The following CRACR2A variants were observed in gnomAD, a reference collection of about 807,000 sequenced individuals.
CRACR2A encodes the protein calcium release activated channel regulator 2A.
CRACR2A carries 79 observed loss-of-function variants against 90.5 expected under a neutral mutation model. The ratio of observed to expected loss-of-function variants is 0.87; its 90% confidence interval spans 0.73 to 1.05. The LOEUF (loss-of-function observed/expected upper bound fraction) is 1.05. Ranked by LOEUF, CRACR2A falls within the 50% of genes least tolerant of loss-of-function variation. The pLI, the probability that CRACR2A is intolerant of heterozygous loss-of-function variation, is 0.00. For synonymous variants in CRACR2A, 338 were observed against 356.7 expected, an observed-to-expected ratio of 0.95 and a Z score of 0.59; for missense variants, 823 against 897.2, an observed-to-expected ratio of 0.92 and a Z score of 1.06.
chr12:3,727,228 G>C (rs1355902197), intron 2 of CRACR2A: 2 of 151,794 alleles, frequency 1.3e-5, no homozygotes, highest in South Asian at 2.1e-4. Context: ...GGATGGATTG[G>C]GAAAAGTTGT....
At chr12:3,663,903 C>A (rs1945082482) in intron 7 of CRACR2A, among the ~76,000 whole-genome samples, 1 of 152,238 alleles carries the variant, frequency 6.6e-6, no homozygotes. Context: ...ATCTCCTCCA[C>A]TTTGTGCTTC....
At chr12:3,703,827 T>C (rs976909827) in intron 3 of CRACR2A, among the ~76,000 whole-genome samples, 6 of 152,184 alleles carry the variant, frequency 3.9e-5, no homozygotes, top group Admixed American at 2.6e-4. Flanking sequence ...AAAAAGATAT[T>C]CACCCTCATT....
intron 7 of CRACR2A, among the ~76,000 whole-genome samples, chr12:3,660,179 T>A (rs1009579860): frequency 3.9e-5 from 6 of 152,196 alleles, no homozygotes; most frequent in Non-Finnish European, 8.8e-5. Context: ...CAGGGGACTC[T>A]CCCTGTATGC....
intron 10 of CRACR2A, among the ~76,000 whole-genome samples, chr12:3,652,023 T>C (rs1944802722): frequency 6.6e-6 from 1 of 152,190 alleles, no homozygotes; most frequent in Admixed American, 6.5e-5. Flanking sequence ...AACTGCAAGC[T>C]TCTTGAAAAC....
At chr12:3,702,370 T>A (rs1352803410) in intron 3 of CRACR2A, among the ~76,000 whole-genome samples, 1 of 152,186 alleles carries the variant, frequency 6.6e-6, no homozygotes, top group East Asian at 1.9e-4. Context: ...ATTGTCTTTA[T>A]TCCCAGACAG....
intron 4 of CRACR2A, among the ~76,000 whole-genome samples, chr12:3,695,597 C>A (rs1178125874): frequency 6.6e-6 from 1 of 152,226 alleles, no homozygotes; most frequent in African/African-American, 2.4e-5. Context: ...AGCTCACATG[C>A]ATGAGCAGAG....
In CRACR2A at chr12:3,619,228, G is replaced by T. The variant is rs367605910; in HGVS notation, c.2034+43C>A. On this transcript the variant is annotated intron_variant, in intron 18 of 19. Coordinates refer to ENST00000440314, the MANE Select transcript of CRACR2A (RefSeq NM_001144958.2). ...TTGGGCACTTGCCCAACTTCCCTCGGGGTCACACTCTGTCCAGAGAGATGG... is the reference window on the plus strand; with the variant it reads ...TTGGGCACTTGCCCAACTTCCCTCGTGGTCACACTCTGTCCAGAGAGATGG... 4.1e-5 allele frequency: 62 copies of T among 1,506,956 alleles called. 2 individuals carry two copies. The African/African-American group carries it at 7.6e-4, about 19-fold the overall frequency. 93.3% of individuals were successfully genotyped at this position (1,506,956 alleles called of 1,614,324 possible).
rs1387849469 is a variant in CRACR2A at position 3,732,986 on chromosome 12, G to A, written c.-162C>T. 6.6e-6 allele frequency: 1 copy of A among 152,310 alleles called. No homozygotes were observed. The highest frequency in any genetic ancestry group is 1.5e-5 in the Non-Finnish European group (1 of 68,104). The allele number at this position is 152,310 out of a possible 1,614,324, so 9.4% of individuals were successfully genotyped here. ...CAGCCACACACCTGGCAGGAGAGGAGGCAGCACACCTGTGTTGAATTCTCC... is the reference window on the plus strand; with the variant it reads ...CAGCCACACACCTGGCAGGAGAGGAAGCAGCACACCTGTGTTGAATTCTCC... On this transcript the variant is annotated 5_prime_UTR_variant, in exon 2 of 20. Coordinates refer to ENST00000440314, the MANE Select transcript of CRACR2A (RefSeq NM_001144958.2).
At chr12:3,734,705 T>C (rs1274260578) in intron 1 of CRACR2A, among the ~76,000 whole-genome samples, 1 of 151,944 alleles carries the variant, frequency 6.6e-6, no homozygotes, top group Admixed American at 6.6e-5. Context: ...AACCCTACCA[T>C]TTGCGACAGC....
rs1946663244 is a variant in CRACR2A at position 3,748,954 on chromosome 12, G to A, written c.-387+4061C>T. 2.6e-5 allele frequency among the ~76,000 whole-genome samples: 4 copies of A among 152,212 alleles called. No homozygotes were observed. In the South Asian group the frequency reaches 6.2e-4, roughly 24 times the overall value. On this transcript the variant is annotated intron_variant, in intron 1 of 19. Transcript: ENST00000440314. ...GAGGGGAAGGGGGTGTCTTTGTGTGGATGCTGTTGGTGAGTAGAGAGCCAA... is the reference window on the plus strand; with the variant it reads ...GAGGGGAAGGGGGTGTCTTTGTGTGAATGCTGTTGGTGAGTAGAGAGCCAA...
At chr12:3,664,422 A>G (rs1189848952) in intron 7 of CRACR2A, among the ~76,000 whole-genome samples, 1 of 152,194 alleles carries the variant, frequency 6.6e-6, no homozygotes, top group Non-Finnish European at 1.5e-5. Flanking sequence ...AATTTGTTAA[A>G]GTCTAAAGTC....
chr12:3,679,678 A>T (rs1945411126), intron 5 of CRACR2A, among the ~76,000 whole-genome samples: 1 of 152,246 alleles, frequency 6.6e-6, no homozygotes, highest in Non-Finnish European at 1.5e-5. Context: ...TAAGGCAGAT[A>T]TATGGCTTTT....
intron 6 of CRACR2A, among the ~76,000 whole-genome samples, chr12:3,676,792 G>A (rs1307827494): frequency 6.6e-6 from 1 of 152,110 alleles, no homozygotes; most frequent in African/African-American, 2.4e-5. Flanking sequence ...CCACCATGAA[G>A]TAAATGCATT....
intron 18 of CRACR2A, 38 bp downstream of exon 18, chr12:3,619,233 A>G (rs1460213317): frequency 6.6e-7 from 1 of 1,520,212 alleles, no homozygotes; most frequent in South Asian, 1.2e-5. Flanking sequence ...CCTCGGGGTC[A>G]CACTCTGTCC....
Position 3,696,924 on chromosome 12 carries a change from TC to T in CRACR2A, c.75del (p.Ser26ValfsTer24), listed in dbSNP as rs767044925. On this transcript the variant is annotated frameshift_variant, in exon 4 of 20. Coordinates refer to ENST00000440314, the MANE Select transcript of CRACR2A (RefSeq NM_001144958.2). LOFTEE classifies it high-confidence loss of function. ...TCCAGGGGATGCAGGCAGGCTCCAC[TC>T]CCCTTTGGCCCCTGGCCAGACCCCT... ...LGQGSGQGPK[G>X]SGACLHPLDS... 21 of 1,613,996 alleles carry T rather than the reference TC, an allele frequency of 1.3e-5. No homozygotes were observed. Among genetic ancestry groups the T allele is most frequent in the Non-Finnish European group, 1.8e-5 (21 of 1,180,022 alleles).
At chr12:3,683,536 C>T (rs553397482) in intron 4 of CRACR2A, among the ~76,000 whole-genome samples, 3 of 152,334 alleles carry the variant, frequency 2.0e-5, no homozygotes, top group African/African-American at 7.2e-5. Flanking sequence ...TCTTTCTTCA[C>T]TCTCAGCTCC....
At chr12:3,745,433 C>T (rs1317034007) in intron 1 of CRACR2A, among the ~76,000 whole-genome samples, 1 of 152,094 alleles carries the variant, frequency 6.6e-6, no homozygotes, top group African/African-American at 2.4e-5. Context: ...ACAAAACCTG[C>T]CTTGGGAAGA....
chr12:3,693,818 G>C (rs116638095), intron 4 of CRACR2A, among the ~76,000 whole-genome samples: 3,008 of 152,218 alleles, frequency 0.02, 96 homozygotes, highest in African/African-American at 0.068. Context: ...GTATCTTACT[G>C]GGGTTCTTTG....
chr12:3,674,556 C>G (rs1945307597), intron 6 of CRACR2A, among the ~76,000 whole-genome samples: 1 of 152,160 alleles, frequency 6.6e-6, no homozygotes, highest in Non-Finnish European at 1.5e-5. Flanking sequence ...TAATTTCTCA[C>G]AGCTAGCAGA....
Sources: gnomAD v4.1 joint callset for allele counts (sites outside exome capture counted in the v4.1 genomes callset) on GRCh38, gnomAD v4.1.1 for gene constraint, MANE v1.5 for transcripts, NCBI Gene and HGNC (gene_info 2026-07-23, HGNC 2026-07-21) for gene names.